The following BLK variants were observed in gnomAD, a reference collection of about 807,000 sequenced individuals.
BLK encodes the protein BLK proto-oncogene, Src family tyrosine kinase.
In BLK, 64 loss-of-function variants were observed where a neutral mutation model predicts 61.8. That is an observed-to-expected ratio of 1.03 (90% confidence interval 0.85 to 1.27). The LOEUF (loss-of-function observed/expected upper bound fraction) is 1.27, where lower values mean the gene tolerates loss of function less well. Among genes scored for constraint, BLK ranks in the 50% most tolerant of loss-of-function variants. The pLI, the probability that BLK is intolerant of heterozygous loss-of-function variation, is 0.00. For missense variants in BLK, 853 were observed against 660.5 expected, an observed-to-expected ratio of 1.29 and a Z score of -3.19; for synonymous variants, 351 against 272.0, an observed-to-expected ratio of 1.29 and a Z score of -2.86.
At chr8:11,535,294 AAGAAAGAAAGAAAG>A (rs1437343706) in intron 1 of BLK, among the ~76,000 whole-genome samples, 1 of 145,686 alleles carries the variant, frequency 6.9e-6, no homozygotes, top group Non-Finnish European at 1.5e-5. Flanking sequence ...GAAAGAAAGA[AAGAAAGAAAGAAAG>A]AAAGAAAGAA....
At chr8:11,552,261 C>G (rs1414878356) in intron 6 of BLK, among the ~76,000 whole-genome samples, 1 of 152,178 alleles carries the variant, frequency 6.6e-6, no homozygotes, top group Non-Finnish European at 1.5e-5. Flanking sequence ...ATCATGAGGC[C>G]TTGGTGCCCC....
In BLK at chr8:11,563,044, G is replaced by A. The variant is rs1326951952; in HGVS notation, c.1246G>A (p.Ala416Thr). ...AIHFGVFTIK[A>T]DVWSFGVLLM... ...CCACTTCGGGGTCTTCACCATCAAA[G>A]CAGACGTGTGGTCGTTTGGAGTCCT... Residue 416 changes from alanine to threonine, a missense_variant, in exon 12 of 13, where the codon GCA becomes ACA. Physicochemically the swap from Ala to Thr is moderately conservative, Grantham distance 58. Transcript: ENST00000259089. The A allele has an allele frequency of 6.2e-7, 1 of 1,614,174 alleles. No individual in the cohort carries two copies. Among genetic ancestry groups the A allele is most frequent in the South Asian group, 1.1e-5 (1 of 91,084 alleles).
chr8:11,521,713 G>A (rs1028203369), intron 1 of BLK, among the ~76,000 whole-genome samples: 2 of 152,176 alleles, frequency 1.3e-5, no homozygotes, highest in African/African-American at 4.8e-5. Context: ...ATACCGCCCT[G>A]GAGACGCACA....
At chr8:11,496,815 T>C (rs1798375841) in intron 1 of BLK, among the ~76,000 whole-genome samples, 2 of 152,206 alleles carry the variant, frequency 1.3e-5, no homozygotes. Context: ...GCCAAGTGGC[T>C]GTGAGCTGGG....
At chr8:11,522,981 AG>A (rs1799514076) in intron 1 of BLK, among the ~76,000 whole-genome samples, 1 of 152,208 alleles carries the variant, frequency 6.6e-6, no homozygotes. Context: ...AAAAAGAGAG[AG>A]GAAAAAAAGA....
chr8:11,514,152 A>G (rs1799132972), intron 1 of BLK, among the ~76,000 whole-genome samples: 1 of 152,170 alleles, frequency 6.6e-6, no homozygotes, highest in Non-Finnish European at 1.5e-5. Context: ...TTTCAAGTGA[A>G]CAGGGTCTGG....
chr8:11,507,936 G>A (rs781589627), intron 1 of BLK, among the ~76,000 whole-genome samples: 12 of 152,204 alleles, frequency 7.9e-5, no homozygotes, highest in Admixed American at 6.5e-4. Context: ...CTAATCGGGG[G>A]TAGAGTCAAC....
chr8:11,512,602 T>C (rs117728931), intron 1 of BLK, among the ~76,000 whole-genome samples: 2,093 of 152,364 alleles, frequency 0.014, 17 homozygotes, highest in Non-Finnish European at 0.022. Context: ...GATAAAGCCA[T>C]TGAGGCTCAG....
chr8:11,545,445 A>G (rs1800587832), intron 2 of BLK, among the ~76,000 whole-genome samples: 1 of 152,180 alleles, frequency 6.6e-6, no homozygotes, highest in Non-Finnish European at 1.5e-5. Flanking sequence ...GCTACTTGGG[A>G]GGCTGAGGCA....
chr8:11,535,568 A>T (rs1235573568), intron 1 of BLK, among the ~76,000 whole-genome samples: 2 of 152,140 alleles, frequency 1.3e-5, no homozygotes, highest in African/African-American at 4.8e-5. Context: ...TGCTCTTTCA[A>T]CTCCCAACTA....
At position 11,530,637 on chromosome 8, in the gene BLK, T is replaced by A. The variant is rs1799847089; in HGVS notation, c.-1-12587T>A. ...AAAGAAATATGCTCTAAATTTTGTT[T>A]ACAGGAGTATATTTTGCTCAATTGT... On this transcript the variant is annotated intron_variant, in intron 1 of 12. Coordinates refer to ENST00000259089, the MANE Select transcript of BLK (RefSeq NM_001715.3). Among the ~76,000 whole-genome samples the A allele has an allele frequency of 2.6e-5, 4 of 151,520 alleles. No individual in the cohort carries two copies. The South Asian group carries it at 8.4e-4, about 32-fold the overall frequency.
intron 1 of BLK, among the ~76,000 whole-genome samples, chr8:11,535,136 C>T (rs1280283411): frequency 6.6e-6 from 1 of 151,134 alleles, no homozygotes; most frequent in Non-Finnish European, 1.5e-5. Context: ...CATGATCACG[C>T]CTCTGCACTC....
chr8:11,511,402 C>A (rs769089356), intron 1 of BLK, among the ~76,000 whole-genome samples: 4 of 151,362 alleles, frequency 2.6e-5, no homozygotes, highest in African/African-American at 4.9e-5. Context: ...ATGTAACAAA[C>A]CTGTATGTTG....
At chr8:11,541,405 A>AGT in intron 1 of BLK, among the ~76,000 whole-genome samples, 1 of 150,132 alleles carries the variant, frequency 6.7e-6, no homozygotes, top group East Asian at 1.9e-4. Flanking sequence ...TACATTGACA[A>AGT]ATTAAAGGTG....
intron 6 of BLK, 85 bp downstream of exon 6, chr8:11,550,347 G>A: frequency 7.6e-7 from 1 of 1,315,282 alleles, no homozygotes; most frequent in African/African-American, 1.5e-5. Context: ...AGTGAGAGGG[G>A]AAGGGGTGAC....
At chr8:11,521,697 T>TCC (rs1799456482) in intron 1 of BLK, among the ~76,000 whole-genome samples, 1 of 152,210 alleles carries the variant, frequency 6.6e-6, no homozygotes, top group African/African-American at 2.4e-5. Context: ...ATTTATCGAG[T>TCC]AGCTCATACC....
intron 4 of BLK, among the ~76,000 whole-genome samples, chr8:11,548,403 T>C (rs1184572087): frequency 6.6e-6 from 1 of 152,242 alleles, no homozygotes; most frequent in East Asian, 1.9e-4. Flanking sequence ...CTTTTGGGCA[T>C]GTGGACCTTG....
intron 1 of BLK, among the ~76,000 whole-genome samples, chr8:11,527,494 G>C (rs1286010939): frequency 6.6e-6 from 1 of 150,830 alleles, no homozygotes; most frequent in Non-Finnish European, 1.5e-5. Context: ...TTTTAGTGGG[G>C]AAGGAGTTTA....
intron 1 of BLK, among the ~76,000 whole-genome samples, chr8:11,537,636 G>A (rs1440923498): frequency 6.6e-6 from 1 of 152,156 alleles, no homozygotes; most frequent in Non-Finnish European, 1.5e-5. Context: ...TGCCAGCTCT[G>A]CCACCTTCAG....
Sources: gnomAD v4.1 joint callset for allele counts (sites outside exome capture counted in the v4.1 genomes callset) on GRCh38, gnomAD v4.1.1 for gene constraint, MANE v1.5 for transcripts, NCBI Gene and HGNC (gene_info 2026-07-23, HGNC 2026-07-21) for gene names.